BUB3: variants seen among roughly 807,000 people sequenced by gnomAD.
BUB3 encodes mitotic checkpoint protein BUB3.
A neutral mutation model predicts 39.9 loss-of-function variants in BUB3; 22 were observed. The ratio of observed to expected loss-of-function variants is 0.55; its 90% CI spans 0.39 to 0.79. BUB3 has a LOEUF of 0.79. Ranked by LOEUF, BUB3 falls within the 30% of genes least tolerant of loss-of-function variation. The pLI, the probability that BUB3 is intolerant of heterozygous loss-of-function variation, is 0.00. For missense variants in BUB3, 303 were observed against 415.4 expected (o/e 0.73, Z 2.35); for synonymous variants, 168 against 155.1 (o/e 1.08, Z -0.62).
intron 1 of BUB3, 81 bp from the exon 2 acceptor site, chr10:123,154,837 G>T: frequency 6.8e-7 from 1 of 1,469,834 alleles, no homozygotes; most frequent in Non-Finnish European, 9.2e-7. Flanking sequence ...CCCTCCCTCT[G>T]GGGGGACCCC....
At chr10:123,155,593 G>A in intron 2 of BUB3, 65 bp from the exon 3 acceptor site, 1 of 1,457,236 alleles carries the variant, frequency 6.9e-7, no homozygotes, top group Non-Finnish European at 9.6e-7. Context: ...CTTGCTTGTA[G>A]AAATAAGAAT....
chr10:123,154,781 C>CGGCGCA lies in BUB3; in HGVS notation c.1-130_1-125dup, dbSNP rs1275519695. On this transcript the variant is annotated intron_variant, in intron 1 of 7. Coordinates refer to ENST00000368865, the MANE Select transcript of BUB3 (RefSeq NM_004725.4). Reference sequence around the variant, plus strand: ...GTCCGGACCTTGGCGGGCGAGTGCTCGGCGCAGGCGCAAGCGCAGAGTCTC... The same window carrying CGGCGCA: ...GTCCGGACCTTGGCGGGCGAGTGCTCGGCGCAGGCGCAGGCGCAAGCGCAGAGTCTC... 35 of 939,446 alleles carry CGGCGCA rather than the reference C, an allele frequency of 3.7e-5. 1 individual carries two copies. The South Asian group carries it at 5.2e-4, about 14-fold the overall frequency. 58.2% of individuals were successfully genotyped at this position (939,446 alleles called of 1,614,324 possible). A position where few individuals can be genotyped will look rare whatever the true frequency, so the allele number is the denominator to read the frequency against.
At chr10:123,162,549 G>C in intron 6 of BUB3, 63 bp from the exon 7 acceptor site, 1 of 1,565,262 alleles carries the variant, frequency 6.4e-7, no homozygotes, top group Non-Finnish European at 8.7e-7. Flanking sequence ...TAACTGTTAA[G>C]AGAATGGTTA....
chr10:123,164,644 T>A lies in BUB3; in HGVS notation c.*809T>A. The A allele has an allele frequency of 3.0e-6, 3 of 994,820 alleles. No individual in the cohort carries two copies. Among genetic ancestry groups the A allele is most frequent in the Non-Finnish European group, 3.6e-6 (3 of 836,086 alleles). 61.6% of individuals were successfully genotyped at this position (994,820 alleles called of 1,614,324 possible). ...GGACCTGTTTCTATCTCTAAATGAA[T>A]TTTTGGAAACATTAATGAGGTTTAC... On this transcript the variant is annotated 3_prime_UTR_variant, in exon 8 of 8. Transcript: ENST00000368865.
In BUB3 at chr10:123,164,968, C is replaced by CTTT; in HGVS notation, c.*1142_*1144dup. 7.5e-7 allele frequency: 1 copy of CTTT among 1,330,448 alleles called. No homozygotes were observed. The highest frequency in any genetic ancestry group is 1.5e-5 in the South Asian group (1 of 68,276). The allele number at this position is 1,330,448 out of a possible 1,614,324, so 82.4% of individuals were successfully genotyped here. A position where few individuals can be genotyped will look rare whatever the true frequency, so the allele number is the denominator to read the frequency against. ...TAATTCTTTTGATACAGAGAAGGGT[C>CTTT]TTTTTTTTTTTAAGTATTTCAGTGA... is the stretch of plus-strand genomic sequence containing the variant. On this transcript the variant is annotated 3_prime_UTR_variant, in exon 8 of 8. Transcript: ENST00000368865.
rs1260345609 is a variant in BUB3 at position 123,165,035 on chromosome 10, T to A, written c.*1200T>A. The stretch of plus-strand genomic sequence containing the variant: ...TGAACCCATCTTTTGAAATGTATTT[T>A]CTTCATTGCAGGTCCACCTAATCAT... On this transcript the variant is annotated 3_prime_UTR_variant, in exon 8 of 8. Coordinates refer to ENST00000368865, the MANE Select transcript of BUB3 (RefSeq NM_004725.4). The A allele has an allele frequency of 6.2e-7, 1 of 1,612,844 alleles. No individual in the cohort carries two copies. The highest frequency in any genetic ancestry group is 8.5e-7 in the Non-Finnish European group (1 of 1,179,760).
At position 123,164,928 on chromosome 10, in the gene BUB3, G is replaced by A. The variant is rs571356622; in HGVS notation, c.*1093G>A. 6.0e-5 allele frequency: 88 copies of A among 1,468,958 alleles called. No individual in the cohort carries two copies. Among genetic ancestry groups the A allele is most frequent in the Non-Finnish European group, 7.1e-5 (79 of 1,110,600 alleles). 91.0% of individuals were successfully genotyped at this position (1,468,958 alleles called of 1,614,324 possible). A position where few individuals can be genotyped will look rare whatever the true frequency, so the allele number is the denominator to read the frequency against. Reference sequence around the variant, plus strand: ...ACCTTTCCTGAGATTTATTTTATCCGTGATGTATTTTTTTTAATTCTTTTG... The same window carrying A: ...ACCTTTCCTGAGATTTATTTTATCCATGATGTATTTTTTTTAATTCTTTTG... On this transcript the variant is annotated 3_prime_UTR_variant, in exon 8 of 8. Coordinates refer to ENST00000368865, the MANE Select transcript of BUB3 (RefSeq NM_004725.4).
At chr10:123,163,059 A>G in intron 7 of BUB3, 1 of 502,856 alleles carries the variant, frequency 2.0e-6, no homozygotes, top group Non-Finnish European at 3.4e-6. Flanking sequence ...TCAAACTCTT[A>G]TTCTTCTTGA....
At chr10:123,160,832 C>A (rs1269142287) in intron 5 of BUB3, among the ~76,000 whole-genome samples, 1 of 152,056 alleles carries the variant, frequency 6.6e-6, no homozygotes, top group South Asian at 2.1e-4. Context: ...GTTTTCTGAC[C>A]TTTTGTTGAT....
intron 3 of BUB3, 56 bp downstream of exon 3, chr10:123,155,783 A>G (rs925148713): frequency 1.3e-6 from 2 of 1,533,130 alleles, no homozygotes; most frequent in Non-Finnish European, 1.8e-6. Flanking sequence ...CTTAAGTATA[A>G]ATGTTTATGT....
chr10:123,162,225 T>C lies in BUB3; in HGVS notation c.577-11T>C. 6.3e-7 allele frequency: 1 copy of C among 1,593,472 alleles called. No homozygotes were observed. Among genetic ancestry groups the C allele is most frequent in the Non-Finnish European group, 8.5e-7 (1 of 1,171,924 alleles). On this transcript the variant is annotated splice_polypyrimidine_tract_variant and intron_variant, in intron 5 of 7. Transcript: ENST00000368865. ...ATTTACCATTTTTTTCCTCTGGTTC[T>C]CTCTTGGCAGGGTTATGTATTAAGC... is the stretch of plus-strand genomic sequence containing the variant.
chr10:123,157,836 C>A lies in BUB3; in HGVS notation c.373C>A (p.Pro125Thr). 1 of 1,613,902 alleles carries A rather than the reference C, an allele frequency of 6.2e-7. No individual in the cohort carries two copies. The highest frequency in any genetic ancestry group is 8.5e-7 in the Non-Finnish European group (1 of 1,179,950). Residue 125 changes from proline to threonine, a missense_variant, in exon 4 of 8, where the codon CCC becomes ACC. Around this residue, in one of 2 missense-constraint regions of BUB3, gnomAD observed 182 missense variants for 293.1 expected, o/e 0.62. Transcript: ENST00000368865. ...GGATCAGACAGTTAAACTGTGGGAT[C>A]CCAGAACTCCTTGTAATGCTGGGAC... Reference protein sequence around the residue: ...SWDQTVKLWDPRTPCNAGTFS... With the variant: ...SWDQTVKLWDTRTPCNAGTFS...
chr10:123,163,070 A>G, intron 7 of BUB3: 2 of 478,246 alleles, frequency 4.2e-6, no homozygotes, highest in South Asian at 2.8e-5. Context: ...TTCTTCTTGA[A>G]TAGGCTCTAT....
In BUB3 at chr10:123,168,473, G is replaced by A. The variant is rs1453738256; in HGVS notation, c.*4638G>A. ...AAGCTTGTCCAATTTGTTGTCCATG[G>A]GCCACATGCTGCCCAGGATGGCTTT... On this transcript the variant is annotated 3_prime_UTR_variant, in exon 8 of 8. Coordinates refer to ENST00000368865, the MANE Select transcript of BUB3 (RefSeq NM_004725.4). The A allele has an allele frequency of 2.6e-5, 4 of 152,116 alleles. No homozygotes were observed. Among genetic ancestry groups the A allele is most frequent in the Admixed American group, 2.6e-4 (4 of 15,274 alleles). 9.4% of individuals were successfully genotyped at this position (152,116 alleles called of 1,614,324 possible).
Position 123,167,874 on chromosome 10 carries a change from T to G in BUB3, c.*4039T>G, listed in dbSNP as rs982147916. On this transcript the variant is annotated 3_prime_UTR_variant, in exon 8 of 8. Transcript: ENST00000368865. ...GAAATGATTACCACAAGGAGGTTAC[T>G]AAACATCTCCATCACCTTGTTAAAT... 5 of 152,364 alleles carry G rather than the reference T, an allele frequency of 3.3e-5. No homozygotes were observed. The highest frequency in any genetic ancestry group is 2.6e-4 in the Admixed American group (4 of 15,306). The allele number at this position is 152,364 out of a possible 1,614,324, so 9.4% of individuals were successfully genotyped here. A position where few individuals can be genotyped will look rare whatever the true frequency, so the allele number is the denominator to read the frequency against.
intron 2 of BUB3, among the ~76,000 whole-genome samples, chr10:123,155,411 G>A (rs986536246): frequency 1.6e-4 from 24 of 152,178 alleles, no homozygotes; most frequent in African/African-American, 5.3e-4. Flanking sequence ...GAAAGGAACC[G>A]TTTAGGGGAA....
At chr10:123,159,293 G>A (rs1021968689) in intron 4 of BUB3, among the ~76,000 whole-genome samples, 14 of 152,208 alleles carry the variant, frequency 9.2e-5, no homozygotes, top group Admixed American at 9.2e-4. Flanking sequence ...CTGATGGTAT[G>A]TGGTTAACAT....
Position 123,165,879 on chromosome 10 carries a change from TAA to T in BUB3, c.*2047_*2048del, listed in dbSNP as rs1049332504. Reference sequence around the variant, plus strand: ...GTTCTTTAGTGTGATTATGTGCTTCTAAAAGTCCCTAACCACTTGGTTGAGGA... The same window carrying T: ...GTTCTTTAGTGTGATTATGTGCTTCTAAGTCCCTAACCACTTGGTTGAGGA... On this transcript the variant is annotated 3_prime_UTR_variant, in exon 8 of 8. Transcript: ENST00000368865. 2 of 152,314 alleles carry T rather than the reference TAA, an allele frequency of 1.3e-5. No homozygotes were observed. 9.4% of individuals were successfully genotyped at this position (152,314 alleles called of 1,614,324 possible).
Position 123,164,473 on chromosome 10 carries a change from G to A in BUB3, c.*638G>A, listed in dbSNP as rs1004797223. On this transcript the variant is annotated 3_prime_UTR_variant, in exon 8 of 8. Coordinates refer to ENST00000368865, the MANE Select transcript of BUB3 (RefSeq NM_004725.4). ...AACCTCCTAATATCATTTTGTGACT[G>A]TAAACAATTATTTATTAGCAAACAA... 8 of 985,344 alleles carry A rather than the reference G, an allele frequency of 8.1e-6. No individual in the cohort carries two copies. In the South Asian group the frequency reaches 1.9e-4, roughly 23 times the overall value. The allele number at this position is 985,344 out of a possible 1,614,324, so 61.0% of individuals were successfully genotyped here. A position where few individuals can be genotyped will look rare whatever the true frequency, so the allele number is the denominator to read the frequency against.
Sources: gnomAD v4.1 joint callset for allele counts (sites outside exome capture counted in the v4.1 genomes callset) on GRCh38, gnomAD v4.1.1 for gene constraint, gnomAD v4.1.1 regional missense constraint, MANE v1.5 for transcripts, NCBI Gene and HGNC (gene_info 2026-07-23, HGNC 2026-07-21) for gene names.